MYH10: variants seen among roughly 807,000 people sequenced by gnomAD.
MYH10 encodes myosin-10.
In MYH10, 55 loss-of-function variants were observed where a neutral mutation model predicts 257.8. That is an observed-to-expected ratio of 0.21 (90% CI 0.17 to 0.27). The LOEUF is 0.27. MYH10 is among the 10% of genes least tolerant of loss of function. MYH10 has a pLI of 1.00. For synonymous variants in MYH10, 854 were observed against 921.7 expected (o/e 0.93, Z 1.33); for missense variants, 1,631 against 2,500.6 (o/e 0.65, Z 7.42).
At chr17:8,543,890 A>T (rs1171107313) in intron 13 of MYH10, among the ~76,000 whole-genome samples, 1 of 152,236 alleles carries the variant, frequency 6.6e-6, no homozygotes, top group Non-Finnish European at 1.5e-5. Flanking sequence ...TGTACAAAGA[A>T]TTGCACCAGT....
At chr17:8,485,820 C>T (rs1396365480) in intron 36 of MYH10, among the ~76,000 whole-genome samples, 1 of 152,176 alleles carries the variant, frequency 6.6e-6, no homozygotes, top group Non-Finnish European at 1.5e-5. Context: ...CTCAATTCCA[C>T]TCCTAGGTAT....
chr17:8,535,451 A>C lies in MYH10; in HGVS notation c.1830T>G (p.Asn610Lys). 6.2e-7 allele frequency: 1 copy of C among 1,614,146 alleles called. No homozygotes were observed. Among genetic ancestry groups the C allele is most frequent in the Non-Finnish European group, 8.5e-7 (1 of 1,180,000 alleles). Residue 610 changes from asparagine (N) to lysine (K), a missense_variant, in exon 16 of 43, where the codon AAT becomes AAG. By Grantham distance (94) the Asn-to-Lys change is moderately conservative (BLOSUM62 0). Coordinates refer to ENST00000360416, the MANE Select transcript of MYH10 (RefSeq NM_001256012.3). The surrounding 1 kb of genome is among the most constrained non-coding windows in gnomAD (Gnocchi z 4.3). Reference protein sequence around the residue: ...EWLMKNMDPLNDNVATLLHQS... With the variant: ...EWLMKNMDPLKDNVATLLHQS... ...GGTGCAAAAGGGTGGCCACGTTGTCATTCAGGGGGTCCATATTCTTCATCA... is the reference window on the plus strand; with the variant it reads ...GGTGCAAAAGGGTGGCCACGTTGTCCTTCAGGGGGTCCATATTCTTCATCA...
chr17:8,565,119 G>T (rs1242554899), intron 7 of MYH10, among the ~76,000 whole-genome samples: 2 of 152,126 alleles, frequency 1.3e-5, no homozygotes, highest in South Asian at 4.1e-4. Context: ...AGACATAAAG[G>T]AACAAATTTT....
Position 8,604,827 on chromosome 17 carries a change from T to G in MYH10, c.501A>C (p.Gln167His). The change falls in exon 3 of 43, where the codon CAA becomes CAC. Residue 167 changes from glutamine (Q) to histidine (H), a missense_variant and splice_region_variant. Physicochemically the swap from Gln to His is conservative, Grantham distance 24 (BLOSUM62 0). Around this residue, in one of 11 missense-constraint regions of MYH10, gnomAD observed 360 missense variants for 581.9 expected, o/e 0.62. Coordinates refer to ENST00000360416, the MANE Select transcript of MYH10 (RefSeq NM_001256012.3). ...ISESAYRCML[Q>H]DREDQSILCT... ...TAGTATTCAAATATTTCCAATTACC[T>G]TGAAGCATGCATCTGTAAGCAGATT... is the stretch of plus-strand genomic sequence containing the variant. 6.6e-7 allele frequency: 1 copy of G among 1,523,822 alleles called. No homozygotes were observed. Among genetic ancestry groups the G allele is most frequent in the Non-Finnish European group, 8.8e-7 (1 of 1,135,520 alleles). 94.4% of individuals were successfully genotyped at this position (1,523,822 alleles called of 1,614,324 possible). A position where few individuals can be genotyped will look rare whatever the true frequency, so the allele number is the denominator to read the frequency against.
At chr17:8,553,230 T>C (rs2082696477) in intron 8 of MYH10, among the ~76,000 whole-genome samples, 1 of 152,186 alleles carries the variant, frequency 6.6e-6, no homozygotes, top group Non-Finnish European at 1.5e-5. Context: ...TTTCCAGATT[T>C]TGCTGGCTGT....
chr17:8,548,252 C>T, intron 11 of MYH10, 61 bp downstream of exon 11: 1 of 1,337,866 alleles, frequency 7.5e-7, no homozygotes, highest in Non-Finnish European at 1.1e-6. Context: ...CACTGTAACA[C>T]CTTCTTAGAG....
chr17:8,484,051 C>A, intron 37 of MYH10, 87 bp downstream of exon 37: 1 of 1,286,468 alleles, frequency 7.8e-7, no homozygotes, highest in Non-Finnish European at 1.1e-6. Flanking sequence ...TTACAGTGGG[C>A]TACAAATATA....
chr17:8,538,490 G>A (rs1301960711), intron 14 of MYH10, among the ~76,000 whole-genome samples: 17 of 152,210 alleles, frequency 1.1e-4, no homozygotes, highest in African/African-American at 4.1e-4. Context: ...GATTACAGGC[G>A]TGAGCCACTG....
chr17:8,491,767 T>C (rs1354261957), intron 34 of MYH10, among the ~76,000 whole-genome samples: 2 of 152,122 alleles, frequency 1.3e-5, no homozygotes, highest in African/African-American at 4.8e-5. Flanking sequence ...TAAATAAATA[T>C]CATGGCAGCT....
Position 8,528,755 on chromosome 17 carries a change from A to AT in MYH10, c.1957+1867dup, listed in dbSNP as rs201938623. ...ATCACTGGAAATATTAAAGTCCTACATTTTCGTTTTAAAATCCCTTAGCCC... is the reference window on the plus strand; with the variant it reads ...ATCACTGGAAATATTAAAGTCCTACATTTTTCGTTTTAAAATCCCTTAGCCC... On this transcript the variant is annotated intron_variant, in intron 17 of 42. Transcript: ENST00000360416. Among the ~76,000 whole-genome samples, 1,287 of 152,260 alleles carry AT rather than the reference A, an allele frequency of 8.5e-3. 21 individuals are homozygous for AT. Among genetic ancestry groups the AT allele is most frequent in the African/African-American group, 0.028 (1,181 of 41,542 alleles).
At chr17:8,482,157 C>T (rs941370905) in intron 37 of MYH10, among the ~76,000 whole-genome samples, 1 of 152,204 alleles carries the variant, frequency 6.6e-6, no homozygotes, top group African/African-American at 2.4e-5. Flanking sequence ...CTGAGGCCCA[C>T]CTGGATGAAG....
intron 34 of MYH10, 91 bp downstream of exon 34, chr17:8,492,206 C>CA: frequency 1.5e-6 from 2 of 1,303,288 alleles, no homozygotes; most frequent in Non-Finnish European, 2.1e-6. Context: ...GTCCTTCAGG[C>CA]TCCCCTGAGG....
chr17:8,585,971 T>C (rs952983323), intron 4 of MYH10, among the ~76,000 whole-genome samples: 2 of 152,188 alleles, frequency 1.3e-5, no homozygotes, highest in Non-Finnish European at 2.9e-5. Context: ...ACTAAAGTGG[T>C]ATGAAAATCA....
intron 42 of MYH10, among the ~76,000 whole-genome samples, chr17:8,476,189 A>AGGACTGTGTGATGGAAATG (rs1461934704): frequency 2.6e-5 from 4 of 152,238 alleles, no homozygotes; most frequent in Non-Finnish European, 5.9e-5. Context: ...GATTCAGCCT[A>AGGACTGTGTGATGGAAATG]GGACTGTGTG....
intron 7 of MYH10, among the ~76,000 whole-genome samples, chr17:8,558,003 T>C (rs766146765): frequency 1.3e-5 from 2 of 152,180 alleles, no homozygotes; most frequent in Non-Finnish European, 2.9e-5. Context: ...AATCCATCAT[T>C]ATGAGGCTGC....
intron 13 of MYH10, among the ~76,000 whole-genome samples, chr17:8,543,480 GTT>G (rs11392715): frequency 1.4e-5 from 2 of 140,970 alleles, no homozygotes; most frequent in African/African-American, 2.6e-5. Context: ...TACAAAGAAG[GTT>G]TTTTTTTTTT....
intron 9 of MYH10, among the ~76,000 whole-genome samples, chr17:8,550,485 C>T (rs1201742045): frequency 1.2e-4 from 18 of 150,998 alleles, no homozygotes; most frequent in Middle Eastern, 3.5e-3. Context: ...GGAGCCTCTC[C>T]GCCCGGCAGC....
chr17:8,478,455 G>A lies in MYH10; in HGVS notation c.5598-9C>T. 1 of 1,612,184 alleles carries A rather than the reference G, an allele frequency of 6.2e-7. No individual in the cohort carries two copies. The highest frequency in any genetic ancestry group is 8.5e-7 in the Non-Finnish European group (1 of 1,178,262). ...TGGCGGCTGCTCGTTCCCTGTGAAA[G>A]TGGTCACAGTAGTTTTGAAATTCTT... On this transcript the variant is annotated splice_polypyrimidine_tract_variant and intron_variant, in intron 40 of 42. Transcript: ENST00000360416.
At chr17:8,587,285 G>T (rs568741660) in intron 4 of MYH10, among the ~76,000 whole-genome samples, 1 of 152,150 alleles carries the variant, frequency 6.6e-6, no homozygotes, top group Admixed American at 6.5e-5. Flanking sequence ...CTGTAGAACC[G>T]TGCTGATTTG....
Sources: allele counts gnomAD v4.1 joint callset (sites outside exome capture counted in the v4.1 genomes callset), GRCh38; gene constraint gnomAD v4.1.1; regional missense constraint gnomAD v4.1.1; non-coding constraint Gnocchi (gnomAD v3.1); transcripts MANE v1.5; gene names NCBI Gene and HGNC (gene_info 2026-07-23, HGNC 2026-07-21).